Variants in GDAP1 observed in about 807,000 individuals in gnomAD.
GDAP1 encodes ganglioside induced differentiation associated protein 1.
A neutral mutation model predicts 40.1 loss-of-function variants in GDAP1; 34 were observed. The ratio of observed to expected loss-of-function variants is 0.85; its 90% CI spans 0.64 to 1.13. The LOEUF (loss-of-function observed/expected upper bound fraction) is 1.13. Ranked by LOEUF, GDAP1 falls within the 50% of genes most tolerant of loss-of-function variation. GDAP1 has a pLI of 0.00. For missense variants in GDAP1, 374 were observed against 433.7 expected, an observed-to-expected ratio of 0.86 and a Z score of 1.22; for synonymous variants, 170 against 157.4, an observed-to-expected ratio of 1.08 and a Z score of -0.60.
At chr8:74,395,261 G>T (rs530081718) in intron 2 of GDAP1, among the ~76,000 whole-genome samples, 1 of 152,132 alleles carries the variant, frequency 6.6e-6, no homozygotes, top group Non-Finnish European at 1.5e-5. Flanking sequence ...GCAATTTAGT[G>T]TCTACCAATC....
intron 2 of GDAP1, among the ~76,000 whole-genome samples, chr8:74,397,837 G>T (rs563722565): frequency 2.0e-5 from 3 of 151,630 alleles, no homozygotes; most frequent in Non-Finnish European, 4.4e-5. Flanking sequence ...TTGGCGATGC[G>T]GGCTCTTTTT....
At chr8:74,363,330 T>C (rs1809465716) in intron 5 of GDAP1, among the ~76,000 whole-genome samples, 1 of 152,242 alleles carries the variant, frequency 6.6e-6, no homozygotes, top group African/African-American at 2.4e-5. Context: ...AGTAGTTAGT[T>C]TGGTTGAATA....
At chr8:74,409,164 T>C (rs1018934703) in intron 2 of GDAP1, among the ~76,000 whole-genome samples, 8 of 150,194 alleles carry the variant, frequency 5.3e-5, no homozygotes, top group Non-Finnish European at 8.8e-5. Context: ...GAAGCAGATA[T>C]GATTAGTTAG....
At chr8:74,437,890 A>G (rs1806112696) in intron 2 of GDAP1, among the ~76,000 whole-genome samples, 1 of 152,160 alleles carries the variant, frequency 6.6e-6, no homozygotes, top group Admixed American at 6.5e-5. Flanking sequence ...CCAGGCTTTC[A>G]CTTTTAACAC....
intron 2 of GDAP1, among the ~76,000 whole-genome samples, chr8:74,443,253 G>A (rs1372518190): frequency 6.6e-6 from 1 of 152,112 alleles, no homozygotes; most frequent in Non-Finnish European, 1.5e-5. Flanking sequence ...GATCCCAAAT[G>A]CTGGTTTAGG....
chr8:74,486,140 C>T (rs10283285), intron 2 of GDAP1, among the ~76,000 whole-genome samples: 1,746 of 152,154 alleles, frequency 0.011, 22 homozygotes, highest in African/African-American at 0.04. Flanking sequence ...TGTCATAGGA[C>T]GGAATGAACA....
chr8:74,477,143 A>G (rs1290879036), intron 2 of GDAP1, among the ~76,000 whole-genome samples: 2 of 152,182 alleles, frequency 1.3e-5, no homozygotes, highest in African/African-American at 2.4e-5. Flanking sequence ...CAAGTCAGTT[A>G]CATTCTTTTC....
intron 2 of GDAP1, among the ~76,000 whole-genome samples, chr8:74,473,123 C>T (rs1408623576): frequency 2.0e-5 from 3 of 151,180 alleles, no homozygotes; most frequent in Non-Finnish European, 4.4e-5. Context: ...ATGTTCTTTG[C>T]CCACTTTTTA....
Position 74,351,428 on chromosome 8 carries a change from C to A in GDAP1, c.272C>A (p.Thr91Asn). The A allele has an allele frequency of 6.2e-7, 1 of 1,614,070 alleles. No homozygotes were observed. The highest frequency in any genetic ancestry group is 8.5e-7 in the Non-Finnish European group (1 of 1,179,888). The change falls in exon 2 of 6, where the codon ACT becomes AAT. Residue 91 changes from threonine to asparagine, a missense_variant. Physicochemically the swap from Thr to Asn is moderately conservative, Grantham distance 65. Transcript: ENST00000220822. ...GGGGAAAACATAATTTGTGAGGCCACTCAGATCATTGATTATCTTGAACAG... is the reference window on the plus strand; with the variant it reads ...GGGGAAAACATAATTTGTGAGGCCAATCAGATCATTGATTATCTTGAACAG... ...IHGENIICEA[T>N]QIIDYLEQTF... is the part of the protein sequence containing the mutation.
chr8:74,449,573 T>C (rs1029199233), intron 2 of GDAP1, among the ~76,000 whole-genome samples: 82 of 152,002 alleles, frequency 5.4e-4, no homozygotes, highest in African/African-American at 1.9e-3. Flanking sequence ...TATTTTATGT[T>C]TTTTATGTTA....
At chr8:74,447,948 A>G (rs1368521266) in intron 2 of GDAP1, among the ~76,000 whole-genome samples, 1 of 152,216 alleles carries the variant, frequency 6.6e-6, no homozygotes, top group Non-Finnish European at 1.5e-5. Flanking sequence ...TCCTAAATAA[A>G]AACAATTCTG....
chr8:74,449,638 A>G (rs1157851716), intron 2 of GDAP1, among the ~76,000 whole-genome samples: 1 of 151,858 alleles, frequency 6.6e-6, no homozygotes. Flanking sequence ...AATATGGCAC[A>G]GTATTGGTAA....
intron 2 of GDAP1, among the ~76,000 whole-genome samples, chr8:74,457,322 A>G (rs1449587882): frequency 1.3e-5 from 2 of 152,094 alleles, no homozygotes; most frequent in Non-Finnish European, 2.9e-5. Context: ...GTGAGCAATG[A>G]ATGCCCTTGT....
intron 2 of GDAP1, among the ~76,000 whole-genome samples, chr8:74,417,545 C>T (rs1356741378): frequency 6.7e-6 from 1 of 149,972 alleles, no homozygotes; most frequent in African/African-American, 2.5e-5. Context: ...ACTGGGATTA[C>T]AGGCGTGAGC....
intron 2 of GDAP1, among the ~76,000 whole-genome samples, chr8:74,422,073 A>G (rs1805863613): frequency 6.6e-6 from 1 of 152,124 alleles, no homozygotes; most frequent in South Asian, 2.1e-4. Flanking sequence ...ATTTAAGCAT[A>G]TAGGCAATGG....
At chr8:74,405,537 G>T (rs1274207304) in intron 2 of GDAP1, among the ~76,000 whole-genome samples, 2 of 150,026 alleles carry the variant, frequency 1.3e-5, no homozygotes, top group Admixed American at 1.3e-4. Flanking sequence ...GCAAACTAAA[G>T]TTTACTGTTG....
intron 2 of GDAP1, among the ~76,000 whole-genome samples, chr8:74,411,625 C>T (rs1805710968): frequency 6.8e-6 from 1 of 147,952 alleles, no homozygotes; most frequent in Admixed American, 6.6e-5. Context: ...CTCATGCTTG[C>T]AATCCCAGTA....
intron 2 of GDAP1, among the ~76,000 whole-genome samples, chr8:74,422,340 T>C (rs774005921): frequency 0.042 from 2,339 of 55,206 alleles, 78 homozygotes; most frequent in African/African-American, 0.11. Flanking sequence ...TTTCTTTCTT[T>C]CTTTCTTTCT....
chr8:74,360,160 G>A lies in GDAP1; in HGVS notation c.334G>A (p.Asp112Asn). Reference sequence around the variant, plus strand: ...AGAAAGAACACCCAGGTTAATGCCTGATAAAGAAAGCATGTATTACCCACG... The same window carrying A: ...AGAAAGAACACCCAGGTTAATGCCTAATAAAGAAAGCATGTATTACCCACG... ...LDERTPRLMPDKESMYYPRVQ... is the reference protein window; with the variant it reads ...LDERTPRLMPNKESMYYPRVQ... The change falls in exon 3 of 6, where the codon GAT (aspartate) becomes AAT (asparagine). Residue 112 changes from aspartate (D) to asparagine (N), a missense_variant. Physicochemically the swap from Asp to Asn is conservative, Grantham distance 23. Coordinates refer to ENST00000220822, the MANE Select transcript of GDAP1 (RefSeq NM_018972.4). The A allele has an allele frequency of 6.2e-7, 1 of 1,613,470 alleles. No individual in the cohort carries two copies. Among genetic ancestry groups the A allele is most frequent in the Non-Finnish European group, 8.5e-7 (1 of 1,179,394 alleles).
Sources: gnomAD v4.1 joint callset for allele counts (sites outside exome capture counted in the v4.1 genomes callset) on GRCh38, gnomAD v4.1.1 for gene constraint, MANE v1.5 for transcripts, NCBI Gene and HGNC (gene_info 2026-07-23, HGNC 2026-07-21) for gene names.